The following SLC35F4 variants were observed in gnomAD, a reference collection of about 807,000 sequenced individuals.
The protein encoded by SLC35F4 is chromosome 14 open reading frame 36.
Under a neutral mutation model 44.2 loss-of-function variants are expected in SLC35F4, and 24 were observed. The observed-to-expected ratio is 0.54, with a 90% confidence interval of 0.39 to 0.76. The LOEUF is 0.76. SLC35F4 is among the 30% of genes least tolerant of loss of function. The pLI is 0.00. For synonymous variants in SLC35F4, 238 were observed against 223.6 expected, an observed-to-expected ratio of 1.06 and a Z score of -0.57; for missense variants, 562 against 586.1, an observed-to-expected ratio of 0.96 and a Z score of 0.42.
At chr14:57,731,577 T>C (rs921223588) in intron 1 of SLC35F4, among the ~76,000 whole-genome samples, 2 of 152,220 alleles carry the variant, frequency 1.3e-5, no homozygotes, top group African/African-American at 4.8e-5. Context: ...CCAGGCAAGA[T>C]TGTCAGGTAG....
intron 1 of SLC35F4, among the ~76,000 whole-genome samples, chr14:57,706,140 G>C (rs1028529233): frequency 6.6e-5 from 10 of 152,180 alleles, no homozygotes; most frequent in African/African-American, 2.4e-4. Context: ...TGAATCAACT[G>C]TGAACTGTGA....
intron 1 of SLC35F4, among the ~76,000 whole-genome samples, chr14:57,747,337 G>T (rs565110329): frequency 4.6e-5 from 7 of 152,280 alleles, no homozygotes; most frequent in Non-Finnish European, 1.0e-4. Flanking sequence ...TGAAGTATTT[G>T]CTGGGTTAGC....
At chr14:57,877,973 C>A (rs971248508) in intron 1 of SLC35F4, among the ~76,000 whole-genome samples, 14 of 152,156 alleles carry the variant, frequency 9.2e-5, no homozygotes, top group African/African-American at 2.4e-4. Flanking sequence ...GCATGAGGCA[C>A]CATGCCCAGC....
chr14:57,774,001 C>G (rs966300434), intron 1 of SLC35F4, among the ~76,000 whole-genome samples: 1 of 152,120 alleles, frequency 6.6e-6, no homozygotes, highest in Non-Finnish European at 1.5e-5. Flanking sequence ...GACCAGTATA[C>G]CTTGACAATC....
Position 57,689,645 on chromosome 14 carries a change from C to A in SLC35F4, c.104-95521G>T, listed in dbSNP as rs1049670575. Among the ~76,000 whole-genome samples, 3 of 151,138 alleles carry A rather than the reference C, an allele frequency of 2.0e-5. No homozygotes were observed. In the East Asian group the frequency reaches 5.8e-4, roughly 29 times the overall value. ...TAAAGACTATCACAGGGACAAAAAA[C>A]CAAACACTGCATGTTCTCACTCATT... On this transcript the variant is annotated intron_variant, in intron 1 of 7. Coordinates refer to ENST00000556826, the MANE Select transcript of SLC35F4 (RefSeq NM_001306087.2).
At chr14:57,803,043 C>T (rs1343437428) in intron 1 of SLC35F4, among the ~76,000 whole-genome samples, 3 of 146,586 alleles carry the variant, frequency 2.0e-5, no homozygotes, top group Non-Finnish European at 4.5e-5. Flanking sequence ...AACATCGATG[C>T]AAAAATCCTC....
intron 1 of SLC35F4, among the ~76,000 whole-genome samples, chr14:57,686,494 C>T (rs1356386941): frequency 8.5e-5 from 13 of 152,152 alleles, no homozygotes; most frequent in Admixed American, 2.6e-4. Flanking sequence ...ACAGCTCCCT[C>T]CTCTCCTGCA....
intron 1 of SLC35F4, among the ~76,000 whole-genome samples, chr14:57,640,273 G>T (rs75733154): frequency 2.0e-5 from 3 of 151,810 alleles, no homozygotes; most frequent in Non-Finnish European, 4.4e-5. Context: ...AATCCCCACT[G>T]AATAGAGGAA....
rs1365308984 is a variant in SLC35F4, at chr14:57,980,693, G to A, written n.151+1220C>T. ...ATGTGTGGTTTAGGCAAAGAAAGCT[G>A]TATCCCTAAAGCTGCACTGTTCAAA... On this transcript the variant is annotated intron_variant and non_coding_transcript_variant, in intron 1 of 1. Transcript: ENST00000554648. Among the ~76,000 whole-genome samples the A allele has an allele frequency of 2.9e-4, 44 of 152,114 alleles. 1 individual carries two copies. The highest frequency in any genetic ancestry group is 1.5e-5 in the Non-Finnish European group (1 of 68,018).
At chr14:57,613,096 T>C (rs2071605375) in intron 1 of SLC35F4, among the ~76,000 whole-genome samples, 1 of 152,180 alleles carries the variant, frequency 6.6e-6, no homozygotes, top group Non-Finnish European at 1.5e-5. Flanking sequence ...TGGGTTGTTT[T>C]GGAGTCCCTG....
chr14:57,881,024 T>C (rs554077950), intron 1 of SLC35F4, among the ~76,000 whole-genome samples: 4 of 152,174 alleles, frequency 2.6e-5, no homozygotes, highest in Non-Finnish European at 4.4e-5. Context: ...GCAAAGAAAA[T>C]TGAATACTAC....
intron 1 of SLC35F4, among the ~76,000 whole-genome samples, chr14:57,828,361 A>G (rs1345487460): frequency 6.6e-6 from 1 of 152,198 alleles, no homozygotes; most frequent in Admixed American, 6.5e-5. Flanking sequence ...CAGCATTGCA[A>G]GGAATTCTAA....
At position 57,726,683 on chromosome 14, in the gene SLC35F4, A is replaced by G. The variant is rs1470363207; in HGVS notation, c.104-132559T>C. On this transcript the variant is annotated intron_variant, in intron 1 of 7. Coordinates refer to ENST00000556826, the MANE Select transcript of SLC35F4 (RefSeq NM_001306087.2). Reference sequence around the variant, plus strand: ...TATTGTCTTTATTCAATGATTATGTATGATCTCAGGAGATGTGTATGGGTT... The same window carrying G: ...TATTGTCTTTATTCAATGATTATGTGTGATCTCAGGAGATGTGTATGGGTT... Among the ~76,000 whole-genome samples the G allele has an allele frequency of 2.0e-5, 3 of 152,258 alleles. No homozygotes were observed. The East Asian group carries it at 5.8e-4, about 29-fold the overall frequency.
intron 1 of SLC35F4, among the ~76,000 whole-genome samples, chr14:57,621,888 A>C (rs946110436): frequency 2.0e-5 from 3 of 150,758 alleles, no homozygotes; most frequent in African/African-American, 7.3e-5. Context: ...GCAACCCACA[A>C]AATGGGAGAA....
chr14:57,590,493 T>C (rs1005890050), intron 2 of SLC35F4, among the ~76,000 whole-genome samples: 1 of 152,156 alleles, frequency 6.6e-6, no homozygotes, highest in Admixed American at 6.5e-5. Flanking sequence ...ATGACTAATA[T>C]ATTTCTGGGA....
intron 1 of SLC35F4, among the ~76,000 whole-genome samples, chr14:57,680,774 T>C (rs1348741014): frequency 6.6e-6 from 1 of 151,998 alleles, no homozygotes; most frequent in Non-Finnish European, 1.5e-5. Context: ...TCACAATTGC[T>C]ACAAAGAGAA....
At chr14:57,900,440 T>C (rs62005021) in intron 1 of SLC35F4, among the ~76,000 whole-genome samples, 149 of 152,268 alleles carry the variant, frequency 9.8e-4, no homozygotes, top group Middle Eastern at 3.4e-3. Flanking sequence ...TAAATCAGCT[T>C]CCCACACACA....
chr14:57,752,210 G>A (rs1005739834), intron 1 of SLC35F4, among the ~76,000 whole-genome samples: 1 of 152,136 alleles, frequency 6.6e-6, no homozygotes, highest in African/African-American at 2.4e-5. Context: ...ACATTTTAAT[G>A]TTTGTGGTTT....
chr14:57,746,919 G>T (rs2076769578), intron 1 of SLC35F4, among the ~76,000 whole-genome samples: 1 of 152,102 alleles, frequency 6.6e-6, no homozygotes. Context: ...CATTAGTAAG[G>T]GCTTTGAGGT....
Sources: allele counts gnomAD v4.1 joint callset (sites outside exome capture counted in the v4.1 genomes callset), GRCh38; gene constraint gnomAD v4.1.1; transcripts MANE v1.5; gene names NCBI Gene and HGNC (gene_info 2026-07-23, HGNC 2026-07-21).